RHBDD1: variants seen among roughly 807,000 people sequenced by gnomAD.
The protein encoded by RHBDD1 is rhomboid-related protein 4.
In RHBDD1, 38 loss-of-function variants were observed where a neutral mutation model predicts 36.3. That is an observed-to-expected ratio of 1.05 (90% CI 0.81 to 1.37). The LOEUF (loss-of-function observed/expected upper bound fraction) is 1.37, where lower values mean the gene tolerates loss of function less well. Among genes scored for constraint, RHBDD1 ranks in the 40% most tolerant of loss-of-function variants. The pLI is 0.00. For missense variants in RHBDD1, 393 were observed against 377.6 expected (o/e 1.04, Z -0.34); for synonymous variants, 151 against 136.5 (o/e 1.11, Z -0.74).
At chr2:226,909,760 C>T (rs1948382750) in intron 7 of RHBDD1, among the ~76,000 whole-genome samples, 1 of 152,098 alleles carries the variant, frequency 6.6e-6, no homozygotes, top group African/African-American at 2.4e-5. Flanking sequence ...ACACTGGCAT[C>T]GCAAGCTTCC....
At chr2:226,981,110 C>T (rs1955623745) in intron 8 of RHBDD1, among the ~76,000 whole-genome samples, 1 of 152,174 alleles carries the variant, frequency 6.6e-6, no homozygotes, top group African/African-American at 2.4e-5. Context: ...AGTAAACTAT[C>T]ACAAGGACAG....
At chr2:226,921,678 C>G (rs1214728038) in intron 8 of RHBDD1, among the ~76,000 whole-genome samples, 1 of 152,192 alleles carries the variant, frequency 6.6e-6, no homozygotes, top group African/African-American at 2.4e-5. Flanking sequence ...TAATCTTATT[C>G]CATTGTGGTC....
At chr2:226,978,389 T>G (rs1010951442) in intron 8 of RHBDD1, among the ~76,000 whole-genome samples, 2 of 152,162 alleles carry the variant, frequency 1.3e-5, no homozygotes, top group African/African-American at 4.8e-5. Context: ...GAAACATGTG[T>G]GTACTGGTGT....
At chr2:226,957,237 G>A (rs1365636856) in intron 8 of RHBDD1, among the ~76,000 whole-genome samples, 2 of 152,154 alleles carry the variant, frequency 1.3e-5, no homozygotes, top group African/African-American at 4.8e-5. Context: ...TAACATGCAG[G>A]ATCTGGTGTG....
chr2:226,915,546 C>T (rs1311047690), intron 8 of RHBDD1, among the ~76,000 whole-genome samples: 1 of 152,038 alleles, frequency 6.6e-6, no homozygotes, highest in African/African-American at 2.4e-5. Context: ...AGTCATTCTG[C>T]GAAGAAGATT....
intron 8 of RHBDD1, among the ~76,000 whole-genome samples, chr2:226,943,264 AAAGTAT>A (rs1559297287): frequency 6.6e-6 from 1 of 152,220 alleles, no homozygotes; most frequent in African/African-American, 2.4e-5. Context: ...AAATTGTGCA[AAAGTAT>A]AAAGATTACT....
At chr2:226,972,954 C>T (rs1018522031) in intron 8 of RHBDD1, among the ~76,000 whole-genome samples, 3 of 148,580 alleles carry the variant, frequency 2.0e-5, no homozygotes, top group African/African-American at 7.5e-5. Flanking sequence ...AACAAAAAAC[C>T]ATGCAGGTTC....
chr2:226,898,093 A>G (rs990584291), intron 5 of RHBDD1, among the ~76,000 whole-genome samples: 1 of 152,186 alleles, frequency 6.6e-6, no homozygotes, highest in Non-Finnish European at 1.5e-5. Context: ...TATTCATGAG[A>G]GATCTGCCCT....
At chr2:226,980,225 G>A (rs1358858316) in intron 8 of RHBDD1, among the ~76,000 whole-genome samples, 1 of 152,168 alleles carries the variant, frequency 6.6e-6, no homozygotes, top group East Asian at 1.9e-4. Context: ...AGTGAATAAA[G>A]TAGCTTATCC....
At position 226,860,352 on chromosome 2, in the gene RHBDD1, A is replaced by G. The variant is rs1321909979; in HGVS notation, c.-90-4252A>G. On this transcript the variant is annotated intron_variant, in intron 3 of 8. Transcript: ENST00000392062. Reference sequence around the variant, plus strand: ...ACATAAACCATTTCCAAAACCCAACAGATTTTACAGGTTTTCAGTTCACAG... The same window carrying G: ...ACATAAACCATTTCCAAAACCCAACGGATTTTACAGGTTTTCAGTTCACAG... Among the ~76,000 whole-genome samples, 4 of 152,220 alleles carry G rather than the reference A, an allele frequency of 2.6e-5. No individual in the cohort carries two copies. The East Asian group carries it at 7.7e-4, about 29-fold the overall frequency.
chr2:226,873,296 A>G (rs1033736082), intron 5 of RHBDD1, among the ~76,000 whole-genome samples: 1 of 152,158 alleles, frequency 6.6e-6, no homozygotes, highest in Non-Finnish European at 1.5e-5. Context: ...TGTATCCTCA[A>G]CTCAACGTCC....
At chr2:226,900,818 C>T (rs1233539722) in intron 5 of RHBDD1, among the ~76,000 whole-genome samples, 1 of 152,102 alleles carries the variant, frequency 6.6e-6, no homozygotes, top group Non-Finnish European at 1.5e-5. Flanking sequence ...GAGTGAGTAC[C>T]ATGACCAAGC....
intron 1 of RHBDD1, chr2:226,837,547 G>A (rs540661929): frequency 5.0e-4 from 66 of 132,248 alleles, no homozygotes; most frequent in African/African-American, 2.4e-3. Context: ...GATCTCTTCA[G>A]CTTTGTTTGG....
the RHBDD1 span, among the ~76,000 whole-genome samples, chr2:226,819,056 C>T: frequency 6.6e-6 from 1 of 152,130 alleles, no homozygotes; most frequent in Non-Finnish European, 1.5e-5. Flanking sequence ...ATGCTCTCTT[C>T]CACCCGGCCC....
At chr2:226,832,743 C>T (rs952452367), upstream of RHBDD1, among the ~76,000 whole-genome samples, 7 of 152,138 alleles carry the variant, frequency 4.6e-5, no homozygotes, top group South Asian at 2.1e-4. Context: ...GTCAGCCAGA[C>T]GCGCTGGCCT....
At chr2:226,874,359 G>A (rs1945038769) in intron 5 of RHBDD1, among the ~76,000 whole-genome samples, 1 of 152,158 alleles carries the variant, frequency 6.6e-6, no homozygotes. Context: ...ATAGTAGACA[G>A]CATCTTTATT....
At chr2:226,816,234 G>A in the RHBDD1 span, among the ~76,000 whole-genome samples, 1 of 152,016 alleles carries the variant, frequency 6.6e-6, no homozygotes, top group Non-Finnish European at 1.5e-5. Context: ...ACTTAGGCTA[G>A]GCAGTGACAA....
chr2:226,978,238 A>T (rs555414221), intron 8 of RHBDD1, among the ~76,000 whole-genome samples: 33 of 152,286 alleles, frequency 2.2e-4, no homozygotes, highest in East Asian at 1.2e-3. Context: ...TCTTTTTTTT[A>T]AAATTCAAAT....
At chr2:226,988,456 T>C (rs1333218369) in intron 8 of RHBDD1, 2 of 1,549,064 alleles carry the variant, frequency 1.3e-6, no homozygotes, top group South Asian at 1.2e-5. Flanking sequence ...AAGGAATCCT[T>C]TGAGGCTGCA....
Sources: allele counts gnomAD v4.1 joint callset (sites outside exome capture counted in the v4.1 genomes callset), GRCh38; gene constraint gnomAD v4.1.1; transcripts MANE v1.5; gene names NCBI Gene and HGNC (gene_info 2026-07-23, HGNC 2026-07-21).